PLEKHG1: variants seen among roughly 807,000 people sequenced by gnomAD.
The protein encoded by PLEKHG1 is pleckstrin homology domain-containing family G member 1.
PLEKHG1 carries 44 observed loss-of-function variants against 100.8 expected under a neutral mutation model. That is an observed-to-expected ratio of 0.44 (90% CI 0.34 to 0.56). The LOEUF is 0.56. Ranked by LOEUF, PLEKHG1 falls within the 20% of genes least tolerant of loss-of-function variation. The pLI, the probability that PLEKHG1 is intolerant of heterozygous loss-of-function variation, is 0.01. For missense variants in PLEKHG1, 1,545 were observed against 1,720.9 expected, an observed-to-expected ratio of 0.90 and a Z score of 1.81; for synonymous variants, 640 against 662.5, an observed-to-expected ratio of 0.97 and a Z score of 0.52.
intron 3 of PLEKHG1, among the ~76,000 whole-genome samples, chr6:150,711,291 C>T (rs2128604438): frequency 6.6e-6 from 1 of 152,246 alleles, no homozygotes; most frequent in Non-Finnish European, 1.5e-5. Flanking sequence ...TCCCCTTTGA[C>T]CTCCCTGCAC....
rs773423743 is a variant in PLEKHG1, at chr6:150,839,904, A to T, written c.3166A>T (p.Lys1056Ter). Reference sequence around the variant, plus strand: ...CAGAGAGTCTCCCTTGAAAATTCAGAAGGATGGCTGGGCCAGCCCTCAAGA... The same window carrying T: ...CAGAGAGTCTCCCTTGAAAATTCAGTAGGATGGCTGGGCCAGCCCTCAAGA... Residue 1056 changes from lysine to a stop codon, truncating the protein, a stop_gained, in exon 16 of 16, where the codon AAG becomes TAG. Transcript: ENST00000358517. LOFTEE classifies it low-confidence loss of function (END_TRUNC). 1.2e-6 allele frequency: 2 copies of T among 1,614,034 alleles called. No individual in the cohort carries two copies. Among genetic ancestry groups the T allele is most frequent in the South Asian group, 2.2e-5 (2 of 91,070 alleles).
At chr6:150,613,316 C>T (rs1776928319) in intron 1 of PLEKHG1, among the ~76,000 whole-genome samples, 2 of 152,236 alleles carry the variant, frequency 1.3e-5, no homozygotes, top group Non-Finnish European at 2.9e-5. Context: ...TCAGATCCTT[C>T]TTACCCCACT....
chr6:150,781,755 A>C (rs1402578231), intron 3 of PLEKHG1, among the ~76,000 whole-genome samples: 1 of 151,878 alleles, frequency 6.6e-6, no homozygotes, highest in South Asian at 2.1e-4. Context: ...ACTGTTTTAA[A>C]AGATCCTTTC....
chr6:150,841,162 T>C (rs1291755456), exon 16 of PLEKHG1: 2 of 590,826 alleles, frequency 3.4e-6, no homozygotes, highest in African/African-American at 3.7e-5. Context: ...TGAAAGTTTT[T>C]AGACTTTTAA....
At chr6:150,667,476 A>G (rs1420756383) in intron 3 of PLEKHG1, among the ~76,000 whole-genome samples, 3 of 152,212 alleles carry the variant, frequency 2.0e-5, no homozygotes, top group Non-Finnish European at 4.4e-5. Context: ...AAGGCAGAAC[A>G]TACTTCTGTT....
chr6:150,748,608 C>G (rs1199609534), intron 2 of PLEKHG1, among the ~76,000 whole-genome samples: 2 of 145,404 alleles, frequency 1.4e-5, no homozygotes, highest in Non-Finnish European at 3.0e-5. Flanking sequence ...CACTTACTAC[C>G]TTTGACCTTT....
chr6:150,601,014 A>G (rs914549492), intron 1 of PLEKHG1: 27 of 152,166 alleles, frequency 1.8e-4, no homozygotes, highest in African/African-American at 6.5e-4. Flanking sequence ...CCCCGCGAGG[A>G]CCATCTCAGA....
chr6:150,805,966 T>G (rs1400858158), intron 7 of PLEKHG1, among the ~76,000 whole-genome samples: 1 of 152,198 alleles, frequency 6.6e-6, no homozygotes, highest in Non-Finnish European at 1.5e-5. Flanking sequence ...AGATGCACTA[T>G]TAAAAACAAA....
chr6:150,813,031 C>T (rs921213259), intron 10 of PLEKHG1, among the ~76,000 whole-genome samples: 8 of 152,016 alleles, frequency 5.3e-5, no homozygotes, highest in Non-Finnish European at 1.2e-4. Flanking sequence ...GCTGGCCGGG[C>T]GCGGTGGCTC....
chr6:150,815,661 G>A (rs372297299), intron 10 of PLEKHG1, among the ~76,000 whole-genome samples: 1 of 152,150 alleles, frequency 6.6e-6, no homozygotes, highest in South Asian at 2.1e-4. Flanking sequence ...TTTTCTCTAA[G>A]GTGACTGTGT....
At chr6:150,678,645 G>A (rs984811079) in intron 3 of PLEKHG1, among the ~76,000 whole-genome samples, 2 of 152,122 alleles carry the variant, frequency 1.3e-5, no homozygotes, top group Admixed American at 6.5e-5. Context: ...AAGAAATGTT[G>A]GCATACTCTC....
chr6:150,641,914 C>G (rs1582867675), intron 2 of PLEKHG1, among the ~76,000 whole-genome samples: 1 of 120,670 alleles, frequency 8.3e-6, no homozygotes, highest in Non-Finnish European at 1.7e-5. Flanking sequence ...AAGGAAATTA[C>G]CTTTCTAAAT....
exon 16 of PLEKHG1, chr6:150,840,039 C>T (rs1338852478): frequency 3.7e-6 from 6 of 1,614,108 alleles, no homozygotes; most frequent in Non-Finnish European, 2.5e-6. Flanking sequence ...CTGTCTCCCA[C>T]CAGAGCAAGA....
intron 3 of PLEKHG1, among the ~76,000 whole-genome samples, chr6:150,714,966 T>C (rs567706179): frequency 1.3e-5 from 2 of 151,992 alleles, no homozygotes; most frequent in South Asian, 4.2e-4. Flanking sequence ...GCACCACCAT[T>C]GCCCAGCTAA....
In PLEKHG1 at chr6:150,712,537, T is replaced by C. The variant is rs557878705; in HGVS notation, c.-98-21047T>C. ...CTTCTTTCATTTACTTGTAAAGGAT[T>C]CAGTAATGTTTATTCAGAATAAACA... On this transcript the variant is annotated intron_variant, in intron 3 of 3. Coordinates refer to the PLEKHG1 transcript ENST00000367326. 2.6e-5 allele frequency among the ~76,000 whole-genome samples: 4 copies of C among 152,366 alleles called. No homozygotes were observed. The East Asian group carries it at 7.7e-4, about 29-fold the overall frequency.
At chr6:150,716,057 G>A (rs1261111320) in intron 3 of PLEKHG1, among the ~76,000 whole-genome samples, 9 of 147,896 alleles carry the variant, frequency 6.1e-5, no homozygotes, top group East Asian at 2.0e-4. Context: ...GCAGTGAGCC[G>A]AGATCGCGCC....
chr6:150,672,883 T>G (rs1223956175), intron 3 of PLEKHG1, among the ~76,000 whole-genome samples: 1 of 152,212 alleles, frequency 6.6e-6, no homozygotes, highest in Non-Finnish European at 1.5e-5. Flanking sequence ...ATGAAATAAA[T>G]AATTCAGCAT....
intron 13 of PLEKHG1, 105 bp downstream of exon 14, chr6:150,821,338 G>T (rs558010786): frequency 1.3e-6 from 1 of 772,228 alleles, no homozygotes; most frequent in Admixed American, 2.4e-5. Context: ...TGACAGATTT[G>T]ATTTGATTAC....
intron 1 of PLEKHG1, among the ~76,000 whole-genome samples, chr6:150,614,460 G>T (rs1776977981): frequency 6.6e-6 from 1 of 152,232 alleles, no homozygotes; most frequent in Non-Finnish European, 1.5e-5. Context: ...AATGGAGAAA[G>T]TGTTACACAG....
Sources: allele counts gnomAD v4.1 joint callset (sites outside exome capture counted in the v4.1 genomes callset), GRCh38; gene constraint gnomAD v4.1.1; transcripts MANE v1.5; gene names NCBI Gene and HGNC (gene_info 2026-07-23, HGNC 2026-07-21).